The following CTNNA3 variants were observed in gnomAD, a reference collection of about 807,000 sequenced individuals.
CTNNA3 encodes the protein catenin alpha-3.
In CTNNA3, 76 loss-of-function variants were observed where a neutral mutation model predicts 95.7. The observed-to-expected ratio is 0.79, with a 90% CI of 0.66 to 0.96. The LOEUF (loss-of-function observed/expected upper bound fraction) is 0.96. CTNNA3 is among the 40% of genes least tolerant of loss of function. The probability of loss-of-function intolerance (pLI) is 0.00; values close to 1 mark genes in which losing one functional copy is unlikely to be tolerated. For synonymous variants in CTNNA3, 431 were observed against 374.4 expected, an observed-to-expected ratio of 1.15 and a Z score of -1.74; for missense variants, 1,191 against 1,089.8, an observed-to-expected ratio of 1.09 and a Z score of -1.31.
At chr10:66,474,926 C>T (rs1331854872) in intron 11 of CTNNA3, among the ~76,000 whole-genome samples, 1 of 151,860 alleles carries the variant, frequency 6.6e-6, no homozygotes, top group African/African-American at 2.4e-5. Context: ...TTGTTTTTTG[C>T]TATTGAGTTC....
intron 7 of CTNNA3, among the ~76,000 whole-genome samples, chr10:66,794,297 C>T (rs567998370): frequency 1.3e-5 from 2 of 152,194 alleles, no homozygotes; most frequent in African/African-American, 2.4e-5. Flanking sequence ...CAAAGATATT[C>T]GGGTTCAGTT....
chr10:67,635,427 AC>A (rs1329581667), intron 2 of CTNNA3, among the ~76,000 whole-genome samples: 1 of 152,166 alleles, frequency 6.6e-6, no homozygotes, highest in Non-Finnish European at 1.5e-5. Flanking sequence ...TCAATAATAT[AC>A]TGGCAAACTG....
chr10:67,309,535 A>C (rs957016040), intron 5 of CTNNA3, among the ~76,000 whole-genome samples: 1 of 151,808 alleles, frequency 6.6e-6, no homozygotes, highest in Non-Finnish European at 1.5e-5. Context: ...GGAGCTAATA[A>C]GAATAAGTGT....
At chr10:66,189,770 TA>T (rs1034497541) in intron 13 of CTNNA3, among the ~76,000 whole-genome samples, 60 of 151,778 alleles carry the variant, frequency 4.0e-4, no homozygotes, top group African/African-American at 1.4e-3. Flanking sequence ...ATGTTACCTT[TA>T]TTTTCCGTAT....
intron 7 of CTNNA3, among the ~76,000 whole-genome samples, chr10:66,858,642 T>C (rs1843778009): frequency 6.6e-6 from 1 of 152,074 alleles, no homozygotes; most frequent in East Asian, 1.9e-4. Context: ...AGTTTCTATG[T>C]TTCCAAAAAT....
chr10:66,474,584 C>T (rs1839255746), intron 11 of CTNNA3, among the ~76,000 whole-genome samples: 2 of 151,888 alleles, frequency 1.3e-5, no homozygotes, highest in Admixed American at 1.3e-4. Context: ...GATGGATGAT[C>T]CCATAGCTGT....
intron 7 of CTNNA3, among the ~76,000 whole-genome samples, chr10:66,817,063 A>G (rs994827371): frequency 1.3e-5 from 2 of 152,070 alleles, no homozygotes; most frequent in African/African-American, 4.8e-5. Flanking sequence ...TGCTTATGTT[A>G]GAAAACAAAT....
At chr10:66,320,923 A>C (rs1388693887) in intron 12 of CTNNA3, among the ~76,000 whole-genome samples, 1 of 152,102 alleles carries the variant, frequency 6.6e-6, no homozygotes, top group African/African-American at 2.4e-5. Context: ...AGCTTCCAAA[A>C]TTTTGGCCTT....
chr10:67,719,161 A>AT (rs552525449), intron 1 of CTNNA3, among the ~76,000 whole-genome samples: 1 of 151,562 alleles, frequency 6.6e-6, no homozygotes, highest in Non-Finnish European at 1.5e-5. Context: ...CCCCTTTATA[A>AT]TTTTTTATTT....
chr10:66,778,512 T>C (rs1840403404), intron 7 of CTNNA3, among the ~76,000 whole-genome samples: 1 of 151,958 alleles, frequency 6.6e-6, no homozygotes, highest in African/African-American at 2.4e-5. Flanking sequence ...CTTAAAGAAA[T>C]CCTTGACAGA....
At chr10:66,770,383 A>G (rs1012798804) in intron 8 of CTNNA3, among the ~76,000 whole-genome samples, 1 of 152,192 alleles carries the variant, frequency 6.6e-6, no homozygotes, top group Non-Finnish European at 1.5e-5. Flanking sequence ...AGTTTAAAGA[A>G]GAATGCAATA....
chr10:66,112,068 C>G (rs952434175), intron 13 of CTNNA3, among the ~76,000 whole-genome samples: 4 of 152,116 alleles, frequency 2.6e-5, no homozygotes, highest in Non-Finnish European at 4.4e-5. Flanking sequence ...GAGATCTCAA[C>G]GCTAGTGAAG....
At chr10:66,281,918 T>C (rs1179466104) in intron 12 of CTNNA3, among the ~76,000 whole-genome samples, 3 of 151,846 alleles carry the variant, frequency 2.0e-5, no homozygotes, top group African/African-American at 7.2e-5. Flanking sequence ...TCTCTGTCTA[T>C]TCTCTAGGCA....
At chr10:67,016,288 G>A (rs538950897) in intron 7 of CTNNA3, among the ~76,000 whole-genome samples, 1 of 152,190 alleles carries the variant, frequency 6.6e-6, no homozygotes, top group East Asian at 1.9e-4. Flanking sequence ...GAAGTTGGCA[G>A]CCACTATTTC....
chr10:65,934,485 C>G (rs946121069), intron 17 of CTNNA3, among the ~76,000 whole-genome samples: 1 of 152,150 alleles, frequency 6.6e-6, no homozygotes, highest in Non-Finnish European at 1.5e-5. Flanking sequence ...TGTTGCTCAT[C>G]TACAACTAGT....
In CTNNA3 at chr10:67,621,211, G is replaced by A. The variant is rs147497432; in HGVS notation, c.100-14162C>T. On this transcript the variant is annotated intron_variant, in intron 2 of 17. Transcript: ENST00000433211. The stretch of plus-strand genomic sequence containing the variant: ...CATCAGGACTTTTAAGAGCTCCCCA[G>A]GCAATTTTATTGTGCAGCCAGGGTT... Among the ~76,000 whole-genome samples, 5 of 152,112 alleles carry A rather than the reference G, an allele frequency of 3.3e-5. No homozygotes were observed. The East Asian group carries it at 9.6e-4, about 29-fold the overall frequency.
At chr10:67,192,297 A>C (rs4745931) in intron 6 of CTNNA3, among the ~76,000 whole-genome samples, 58,225 of 151,504 alleles carry the variant, frequency 0.38, 15,812 homozygotes, top group African/African-American at 0.78. Flanking sequence ...AAACAACCAA[A>C]AACATGAAAA....
At chr10:66,156,678 A>G (rs1300456840) in intron 13 of CTNNA3, among the ~76,000 whole-genome samples, 1 of 151,952 alleles carries the variant, frequency 6.6e-6, no homozygotes, top group African/African-American at 2.4e-5. Flanking sequence ...TATTTCACAT[A>G]TGGCATTGGG....
At chr10:66,008,783 T>A (rs994483329) in intron 15 of CTNNA3, among the ~76,000 whole-genome samples, 2 of 152,140 alleles carry the variant, frequency 1.3e-5, no homozygotes, top group Middle Eastern at 3.2e-3. Flanking sequence ...AGGAGAAATT[T>A]GTGAATGAGT....
Sources: gnomAD v4.1 joint callset for allele counts (sites outside exome capture counted in the v4.1 genomes callset) on GRCh38, gnomAD v4.1.1 for gene constraint, MANE v1.5 for transcripts, NCBI Gene and HGNC (gene_info 2026-07-23, HGNC 2026-07-21) for gene names.